ABHD12: variants seen among roughly 807,000 people sequenced by gnomAD.
ABHD12 encodes lysophosphatidylserine lipase ABHD12.
ABHD12 carries 43 observed loss-of-function variants against 58.3 expected under a neutral mutation model. That is an observed-to-expected ratio of 0.74 (90% CI 0.58 to 0.95). The LOEUF is 0.95. Among genes scored for constraint, ABHD12 ranks in the 40% least tolerant of loss-of-function variants. The pLI is 0.00. For missense variants in ABHD12, 539 were observed against 537.2 expected (o/e 1.00, Z -0.03); for synonymous variants, 219 against 211.2 (o/e 1.04, Z -0.32).
At chr20:25,331,386 A>T (rs1220829571) in intron 2 of ABHD12, among the ~76,000 whole-genome samples, 1 of 152,220 alleles carries the variant, frequency 6.6e-6, no homozygotes, top group Non-Finnish European at 1.5e-5. Flanking sequence ...ACTCTGCAGG[A>T]TATTACCCAG....
intron 1 of ABHD12, among the ~76,000 whole-genome samples, chr20:25,375,738 T>C (rs2089954356): frequency 6.6e-6 from 1 of 152,240 alleles, no homozygotes; most frequent in Non-Finnish European, 1.5e-5. Flanking sequence ...TCGTGTATGT[T>C]GTCGTTTTTG....
At chr20:25,297,613 T>G (rs2088568876), downstream of ABHD12, 1 of 152,380 alleles carries the variant, frequency 6.6e-6, no homozygotes, top group South Asian at 2.1e-4. Context: ...CTCACAGCCT[T>G]GCCCCTCCCC....
chr20:25,324,686 C>T (rs574110460), intron 2 of ABHD12, among the ~76,000 whole-genome samples: 9 of 152,270 alleles, frequency 5.9e-5, no homozygotes, highest in South Asian at 4.1e-4. Flanking sequence ...GCTGGACTCA[C>T]GAGGACATGG....
intron 2 of ABHD12, among the ~76,000 whole-genome samples, chr20:25,332,663 A>C (rs7343987): frequency 0.023 from 3,391 of 149,756 alleles, 120 homozygotes; most frequent in African/African-American, 0.077. Flanking sequence ...CACTCAAAAC[A>C]GCTCAACTAC....
At chr20:25,386,263 C>CT (rs201723868) in intron 1 of ABHD12, among the ~76,000 whole-genome samples, 18,140 of 142,142 alleles carry the variant, frequency 0.13, 1,864 homozygotes, top group East Asian at 0.56. Flanking sequence ...CTTTTTCTTT[C>CT]TTTTTTTTTT....
At chr20:25,297,316 TAGCTGA>T (rs1353579704), downstream of ABHD12, 1 of 152,312 alleles carries the variant, frequency 6.6e-6, no homozygotes, top group Non-Finnish European at 1.5e-5. Flanking sequence ...GAAATGAAAC[TAGCTGA>T]AGCCTTTTCT....
intron 3 of ABHD12, among the ~76,000 whole-genome samples, chr20:25,322,795 T>A (rs1447708296): frequency 6.6e-6 from 1 of 152,140 alleles, no homozygotes; most frequent in African/African-American, 2.4e-5. Flanking sequence ...TGAACTCAGC[T>A]CACTGCAACT....
In ABHD12 at chr20:25,390,386, G is replaced by A. The variant is rs368980853; in HGVS notation, c.191+127C>T. ...ATGCGGGACACAGGCGCGGACGGGG[G>A]CGGCCGCGGATCGGGCGGACGGCCA... On this transcript the variant is annotated intron_variant, in intron 1 of 12. Transcript: ENST00000339157. The A allele has an allele frequency of 0.011, 10,513 of 960,272 alleles. 103 individuals carry two copies. The highest frequency in any genetic ancestry group is 0.04 in the South Asian group (1,487 of 37,258). The allele number at this position is 960,272 out of a possible 1,614,324, so 59.5% of individuals were successfully genotyped here.
downstream of ABHD12, among the ~76,000 whole-genome samples, chr20:25,298,663 G>T (rs368366587): frequency 9.2e-5 from 14 of 152,332 alleles, no homozygotes; most frequent in East Asian, 1.3e-3. Flanking sequence ...ACTTGTGCTG[G>T]TCCCTTTGCA....
chr20:25,375,326 C>T (rs1199142366), intron 1 of ABHD12, among the ~76,000 whole-genome samples: 1 of 152,208 alleles, frequency 6.6e-6, no homozygotes, highest in East Asian at 1.9e-4. Flanking sequence ...ACTACTGAAG[C>T]ATGCTGTTCC....
At chr20:25,317,451 A>G (rs7267979) in intron 4 of ABHD12, among the ~76,000 whole-genome samples, 86,790 of 152,062 alleles carry the variant, frequency 0.57, 25,544 homozygotes, top group African/African-American at 0.63. Context: ...CAGGACCCGT[A>G]TGGGCGACTT....
chr20:25,304,379 G>A (rs936927902), intron 10 of ABHD12, among the ~76,000 whole-genome samples: 1 of 152,182 alleles, frequency 6.6e-6, no homozygotes, highest in African/African-American at 2.4e-5. Context: ...GCAGTACTTG[G>A]GATTTCCCAG....
intron 1 of ABHD12, among the ~76,000 whole-genome samples, chr20:25,363,943 G>A (rs1432434620): frequency 2.0e-5 from 3 of 151,962 alleles, no homozygotes; most frequent in African/African-American, 4.8e-5. Context: ...AGAAATGAAG[G>A]TGCAAAAAAA....
chr20:25,328,172 G>A (rs1167632001), intron 2 of ABHD12, among the ~76,000 whole-genome samples: 2 of 152,040 alleles, frequency 1.3e-5, no homozygotes, highest in African/African-American at 2.4e-5. Flanking sequence ...ACCCGGAGAA[G>A]GCTCCCGACC....
At chr20:25,384,668 C>A (rs1234777219) in intron 1 of ABHD12, among the ~76,000 whole-genome samples, 8 of 152,114 alleles carry the variant, frequency 5.3e-5, no homozygotes, top group Admixed American at 5.2e-4. Flanking sequence ...CCATTTGACC[C>A]TGAGAGGCAG....
intron 1 of ABHD12, among the ~76,000 whole-genome samples, chr20:25,360,860 C>G (rs2089737134): frequency 6.6e-6 from 1 of 152,246 alleles, no homozygotes; most frequent in Non-Finnish European, 1.5e-5. Flanking sequence ...TTCTACCTCA[C>G]TGAACAGAGT....
chr20:25,303,710 G>C, intron 10 of ABHD12, 82 bp from the exon 11 acceptor site: 1 of 1,580,978 alleles, frequency 6.3e-7, no homozygotes, highest in African/African-American at 1.3e-5. Context: ...AGGGATCTGG[G>C]TTCAGGGTGT....
At chr20:25,302,546 C>A (rs1459753208) in intron 11 of ABHD12, among the ~76,000 whole-genome samples, 200 bp from the exon 12 acceptor site, 1 of 152,188 alleles carries the variant, frequency 6.6e-6, no homozygotes, top group African/African-American at 2.4e-5. Context: ...CTCCTGGGCA[C>A]ACACCACTCA....
intron 2 of ABHD12, among the ~76,000 whole-genome samples, chr20:25,324,158 C>A (rs1170675993): frequency 6.6e-6 from 1 of 152,148 alleles, no homozygotes; most frequent in East Asian, 1.9e-4. Flanking sequence ...GACCATGGGG[C>A]CCTTAGACCT....
Sources: allele counts gnomAD v4.1 joint callset (sites outside exome capture counted in the v4.1 genomes callset), GRCh38; gene constraint gnomAD v4.1.1; transcripts MANE v1.5; gene names NCBI Gene and HGNC (gene_info 2026-07-23, HGNC 2026-07-21).